THAP3: variants seen among roughly 807,000 people sequenced by gnomAD.
THAP3 encodes THAP domain-containing protein 3.
Under a neutral mutation model 17.7 loss-of-function variants are expected in THAP3, and 12 were observed. That is an observed-to-expected ratio of 0.68 (90% CI 0.43 to 1.10). THAP3 has a LOEUF of 1.10. Ranked by LOEUF, THAP3 falls within the 50% of genes least tolerant of loss-of-function variation. The pLI is 0.00. For synonymous variants in THAP3, 133 were observed against 126.9 expected (o/e 1.05, Z -0.32); for missense variants, 289 against 318.0 (o/e 0.91, Z 0.69).
chr1:6,630,605 C>T (rs544673723), intron 4 of THAP3, among the ~76,000 whole-genome samples: 216 of 152,214 alleles, frequency 1.4e-3, no homozygotes, highest in African/African-American at 4.9e-3. Context: ...GACTGAGTCT[C>T]GCTCTGTCAC....
chr1:6,629,782 C>A, intron 3 of THAP3: 1 of 169,392 alleles, frequency 5.9e-6, no homozygotes, highest in Non-Finnish European at 1.3e-5. Context: ...TAACGTTTGT[C>A]CTGGAAAGAT....
chr1:6,630,024 C>T (rs1278335849), intron 3 of THAP3, among the ~76,000 whole-genome samples: 1 of 152,186 alleles, frequency 6.6e-6, no homozygotes, highest in Non-Finnish European at 1.5e-5. Flanking sequence ...TGGGGTGACA[C>T]ATAGGAAGTA....
downstream of THAP3, chr1:6,635,084 G>A (rs1299482130): frequency 1.6e-5 from 3 of 189,190 alleles, no homozygotes; most frequent in Non-Finnish European, 3.2e-5. Flanking sequence ...CTGGGAGTGG[G>A]GAAAAAAGAC....
downstream of THAP3, chr1:6,634,193 G>A: frequency 8.9e-7 from 1 of 1,120,558 alleles, no homozygotes; most frequent in Non-Finnish European, 1.3e-6. Context: ...GGTTTATTGT[G>A]GTGAGTGCCT....
downstream of THAP3, chr1:6,634,238 T>C (rs1247502797): frequency 7.8e-6 from 7 of 892,116 alleles, no homozygotes; most frequent in African/African-American, 3.4e-5. Flanking sequence ...ACGCAGAGGA[T>C]GGGTGCCCAG....
chr1:6,634,741 T>C (rs1641723778), downstream of THAP3: 1 of 1,353,484 alleles, frequency 7.4e-7, no homozygotes, highest in African/African-American at 1.5e-5. Flanking sequence ...CTGGTGTTCC[T>C]GTGAGGACGC....
At chr1:6,628,297 C>T (rs1557453771) in intron 2 of THAP3, 3 of 530,692 alleles carry the variant, frequency 5.7e-6, no homozygotes, top group South Asian at 5.2e-5. Flanking sequence ...TGGCCATGCT[C>T]GTGGTCTCGG....
chr1:6,628,670 C>T lies in THAP3; in HGVS notation c.246C>T (p.Phe82=), dbSNP rs549127899. Residue 82 remains phenylalanine, a synonymous_variant, in exon 3 of 6, where the codon TTC becomes TTT. Coordinates refer to ENST00000054650, the MANE Select transcript of THAP3 (RefSeq NM_001195753.2). ...AGCACAATGCCGTGCCCACGGTGTTCGCCTTTCAGGACCCCACACAGGTAG... is the reference window on the plus strand; with the variant it reads ...AGCACAATGCCGTGCCCACGGTGTTTGCCTTTCAGGACCCCACACAGGTAG... ...NLKHNAVPTV[F]AFQDPTQQVR... 6.8e-6 allele frequency: 11 copies of T among 1,613,192 alleles called. No homozygotes were observed. The highest frequency in any genetic ancestry group is 4.0e-5 in the African/African-American group (3 of 75,060).
chr1:6,631,745 A>C (rs191023459), intron 4 of THAP3, among the ~76,000 whole-genome samples: 1 of 152,182 alleles, frequency 6.6e-6, no homozygotes, highest in Non-Finnish European at 1.5e-5. Context: ...AAAATACAAA[A>C]ATTTAGCTGG....
At chr1:6,627,266 G>A (rs1641491155) in intron 2 of THAP3, among the ~76,000 whole-genome samples, 1 of 152,174 alleles carries the variant, frequency 6.6e-6, no homozygotes, top group South Asian at 2.1e-4. Flanking sequence ...GTTCCGCAGG[G>A]TTGGCCGCCA....
chr1:6,632,861 A>G lies in THAP3; in HGVS notation c.504A>G (p.Arg168=), dbSNP rs749975066. 1.3e-5 allele frequency: 21 copies of G among 1,612,966 alleles called. No homozygotes were observed. The East Asian group carries it at 4.2e-4, about 33-fold the overall frequency. ...VGRPTGPAGL[R]RTPNKQPSDH... is the part of the protein sequence containing the mutation. The stretch of plus-strand genomic sequence containing the variant: ...GGCCGACTGGCCCTGCAGGCCTGAG[A>G]AGGACCCCCAACAAGCAGCCATCTG... Residue 168 remains arginine, a synonymous_variant, in exon 6 of 6, where the codon AGA becomes AGG. Transcript: ENST00000054650.
At chr1:6,633,937 ATT>A, downstream of THAP3, 2 of 1,301,566 alleles carry the variant, frequency 1.5e-6, no homozygotes, top group Non-Finnish European at 2.2e-6. Context: ...CTGACTTCCT[ATT>A]TTGTCTAATT....
rs1182153896 is a variant in THAP3, at chr1:6,628,481, C to G, written c.75-18C>G. ...GTCCAGCCTTGCTGGGCCTCACACC[C>G]CGTGCCTCTGCCCTTAGGTTTCCGT... On this transcript the variant is annotated intron_variant, in intron 2 of 5. Coordinates refer to ENST00000054650, the MANE Select transcript of THAP3 (RefSeq NM_001195753.2). 1.3e-6 allele frequency: 2 copies of G among 1,596,566 alleles called. No individual in the cohort carries two copies. The highest frequency in any genetic ancestry group is 1.7e-6 in the Non-Finnish European group (2 of 1,172,178).
At position 6,633,282 on chromosome 1, in the gene THAP3, G is replaced by C; in HGVS notation, c.*205G>C. Reference sequence around the variant, plus strand: ...GACGTTTAGAGGCGTGGCACTAGGAGTGCACATCTGTGAGCATGACAAGCT... The same window carrying C: ...GACGTTTAGAGGCGTGGCACTAGGACTGCACATCTGTGAGCATGACAAGCT... On this transcript the variant is annotated 3_prime_UTR_variant, in exon 6 of 6. Coordinates refer to ENST00000054650, the MANE Select transcript of THAP3 (RefSeq NM_001195753.2). 7.0e-7 allele frequency: 1 copy of C among 1,427,690 alleles called. No homozygotes were observed. The highest frequency in any genetic ancestry group is 1.5e-5 in the South Asian group (1 of 65,490). The allele number at this position is 1,427,690 out of a possible 1,614,324, so 88.4% of individuals were successfully genotyped here.
downstream of THAP3, chr1:6,635,519 G>A (rs974402689): frequency 3.1e-5 from 25 of 800,462 alleles, no homozygotes; most frequent in African/African-American, 7.0e-5. Flanking sequence ...AAGCTGGGGT[G>A]TCTGCATGTC....
chr1:6,634,194 G>T, downstream of THAP3: 1 of 1,117,900 alleles, frequency 8.9e-7, no homozygotes, highest in Non-Finnish European at 1.3e-6. Context: ...GTTTATTGTG[G>T]TGAGTGCCTT....
In THAP3 at chr1:6,633,285, C is replaced by T. The variant is rs1641679898; in HGVS notation, c.*208C>T. On this transcript the variant is annotated 3_prime_UTR_variant, in exon 6 of 6. Coordinates refer to ENST00000054650, the MANE Select transcript of THAP3 (RefSeq NM_001195753.2). ...GTTTAGAGGCGTGGCACTAGGAGTG[C>T]ACATCTGTGAGCATGACAAGCTTAT... 3 of 1,427,104 alleles carry T rather than the reference C, an allele frequency of 2.1e-6. No homozygotes were observed. The highest frequency in any genetic ancestry group is 2.9e-5 in the Admixed American group (1 of 34,638). 88.4% of individuals were successfully genotyped at this position (1,427,104 alleles called of 1,614,324 possible). A position where few individuals can be genotyped will look rare whatever the true frequency, so the allele number is the denominator to read the frequency against.
rs1166103898 is a variant in THAP3, at chr1:6,632,440, A to G, written c.383A>G (p.Asp128Gly). The change falls in exon 5 of 6, where the codon GAC becomes GGC. Residue 128 changes from aspartate to glycine, a missense_variant. Physicochemically the swap from Asp to Gly is moderately conservative, Grantham distance 94. Transcript: ENST00000054650. ...AGEDSPGRNMDTALEELQLPP... is the reference protein window; with the variant it reads ...AGEDSPGRNMGTALEELQLPP... ...GAGGACAGTCCTGGGAGAAACATGG[A>G]CACTGCACTTGAAGAGCTTCAGTTG... is the stretch of plus-strand genomic sequence containing the variant. 6.2e-7 allele frequency: 1 copy of G among 1,614,142 alleles called. No homozygotes were observed. The highest frequency in any genetic ancestry group is 8.5e-7 in the Non-Finnish European group (1 of 1,180,032).
chr1:6,630,895 G>C lies in THAP3; in HGVS notation c.333+542G>C, dbSNP rs1641593882. ...GCCCCCACTTTTTTTTTTTTGTAGA[G>C]ATAGCATCTTGCTATTTTACTCAGG... On this transcript the variant is annotated intron_variant, in intron 4 of 5. Transcript: ENST00000054650. 2.0e-5 allele frequency among the ~76,000 whole-genome samples: 3 copies of C among 149,524 alleles called. No individual in the cohort carries two copies. In the South Asian group the frequency reaches 6.3e-4, roughly 32 times the overall value.
Sources: allele counts gnomAD v4.1 joint callset (sites outside exome capture counted in the v4.1 genomes callset), GRCh38; gene constraint gnomAD v4.1.1; transcripts MANE v1.5; gene names NCBI Gene and HGNC (gene_info 2026-07-23, HGNC 2026-07-21).